Variants in ADGRG4 observed in about 807,000 individuals in gnomAD.
ADGRG4 encodes the protein G protein-coupled receptor 112.
Under a neutral mutation model 126.2 loss-of-function variants are expected in ADGRG4, and 122 were observed. The observed-to-expected ratio is 0.97, with a 90% CI of 0.83 to 1.12. The LOEUF (loss-of-function observed/expected upper bound fraction) is 1.12, where lower values mean the gene tolerates loss of function less well. Among genes scored for constraint, ADGRG4 ranks in the 50% most tolerant of loss-of-function variants. ADGRG4 has a pLI of 0.00. For synonymous variants in ADGRG4, 943 were observed against 838.7 expected (o/e 1.12, Z -2.15); for missense variants, 2,481 against 2,251.8 (o/e 1.10, Z -2.06).
chrX:136,349,056 G>T lies in ADGRG4; in HGVS notation c.5350G>T (p.Val1784Phe), dbSNP rs755692382. 1.8e-4 allele frequency: 215 copies of T among 1,204,739 alleles called. No homozygotes were observed. The highest frequency in any genetic ancestry group is 2.2e-4 in the Non-Finnish European group (194 of 892,215). ...FKSASGPTKN[V>F]KTTTNCFSSN... is the part of the protein sequence containing the mutation. ...GAGTGCTTCTGGACCCACAAAAAAT[G>T]TTAAAACAACCACCAATTGCTTTTC... Residue 1784 changes from valine to phenylalanine, a missense_variant, in exon 6 of 26, where the codon GTT becomes TTT. Coordinates refer to ENST00000394143, the MANE Select transcript of ADGRG4 (RefSeq NM_153834.4).
intron 20 of ADGRG4, among the ~76,000 whole-genome samples, chrX:136,399,457 G>A (rs1460610990): frequency 9.1e-6 from 1 of 110,415 alleles, no homozygotes; most frequent in Admixed American, 9.6e-5. Flanking sequence ...GCCATATATC[G>A]GGATCTTTAG....
chrX:136,372,833 A>C, intron 14 of ADGRG4, 69 bp from the exon 15 acceptor site: 7 of 1,010,397 alleles, frequency 6.9e-6, no homozygotes, highest in Non-Finnish European at 9.8e-6. Flanking sequence ...CAATAAGGAA[A>C]TCTTGCAAGG....
At chrX:136,352,233 C>G (rs1262449188) in intron 7 of ADGRG4, among the ~76,000 whole-genome samples, 3 of 112,055 alleles carry the variant, frequency 2.7e-5, no homozygotes, top group African/African-American at 9.7e-5. Flanking sequence ...AACCATGTAT[C>G]TTTGCACATA....
Position 136,380,645 on chromosome X carries a change from CTTCT to C in ADGRG4, c.7777-7093_7777-7090del, listed in dbSNP as rs2075257374. ...TCTTCTTCTTCTTCTTCTTCTTCTT[CTTCT>C]TCCTCCTCCTCCTCCTCCTCTTCCT... On this transcript the variant is annotated intron_variant, in intron 15 of 25. Coordinates refer to ENST00000394143, the MANE Select transcript of ADGRG4 (RefSeq NM_153834.4). Among the ~76,000 whole-genome samples, 5 of 85,173 alleles carry C rather than the reference CTTCT, an allele frequency of 5.9e-5. No homozygotes were observed. In the East Asian group the frequency reaches 9.7e-4, roughly 17 times the overall value. The allele number at this position is 85,173 out of a possible 115,157, so 74.0% of individuals were successfully genotyped here. A position where few individuals can be genotyped will look rare whatever the true frequency, so the allele number is the denominator to read the frequency against.
chrX:136,346,190 G>A lies in ADGRG4; in HGVS notation c.2484G>A (p.Lys828=), dbSNP rs145010025. The A allele has an allele frequency of 5.8e-6, 7 of 1,207,263 alleles. No individual in the cohort carries two copies. In the African/African-American group the frequency reaches 1.2e-4, roughly 21 times the overall value. The change falls in exon 6 of 26, where the codon AAG becomes AAA. Residue 828 remains lysine (K), a synonymous_variant. Transcript: ENST00000394143. ...GAGGTACAACGACCCCTGTACCAAA[G>A]TCAGCAACAACACAAAGATTAAATG... ...VFGGTTTPVP[K]SATTQRLNAT...
Position 136,349,884 on chromosome X carries a change from C to T in ADGRG4, c.6178C>T (p.Pro2060Ser), listed in dbSNP as rs2075048698. Residue 2060 changes from proline to serine, a missense_variant, in exon 6 of 26, where the codon CCC becomes TCC. By Grantham distance (74) the Pro-to-Ser change is moderately conservative (BLOSUM62 -1). Coordinates refer to ENST00000394143, the MANE Select transcript of ADGRG4 (RefSeq NM_153834.4). ...AHPFTNLTTL[P>S]SATMSTILTR... Reference sequence around the variant, plus strand: ...CCCATTCACTAACTTGACAACACTACCCTCTGCTACTATGAGCACCATACT... The same window carrying T: ...CCCATTCACTAACTTGACAACACTATCCTCTGCTACTATGAGCACCATACT... 3.3e-6 allele frequency: 4 copies of T among 1,208,357 alleles called. No individual in the cohort carries two copies. Among genetic ancestry groups the T allele is most frequent in the Non-Finnish European group, 4.5e-6 (4 of 894,063 alleles).
Position 136,347,438 on chromosome X carries a change from C to T in ADGRG4, c.3732C>T (p.Ser1244=). 2.5e-6 allele frequency: 3 copies of T among 1,208,802 alleles called. No homozygotes were observed. The highest frequency in any genetic ancestry group is 3.4e-6 in the Non-Finnish European group (3 of 892,720). ...CATATCGTGTACACACACCAGTGTCCATCCAGTTGGTGACTAGCACCTCTG... is the reference window on the plus strand; with the variant it reads ...CATATCGTGTACACACACCAGTGTCTATCCAGTTGGTGACTAGCACCTCTG... ...SATYRVHTPV[S]IQLVTSTSVL... The change falls in exon 6 of 26, where the codon TCC becomes TCT. Residue 1244 remains serine, a synonymous_variant. Coordinates refer to ENST00000394143, the MANE Select transcript of ADGRG4 (RefSeq NM_153834.4).
At chrX:136,306,591 G>T (rs1197572603) in intron 3 of ADGRG4, among the ~76,000 whole-genome samples, 1 of 109,051 alleles carries the variant, frequency 9.2e-6, no homozygotes, top group Non-Finnish European at 1.9e-5. Context: ...TTAAAAGTAT[G>T]TAACTAATTT....
intron 15 of ADGRG4, among the ~76,000 whole-genome samples, chrX:136,386,598 G>A (rs1207534618): frequency 8.9e-6 from 1 of 112,022 alleles, no homozygotes; most frequent in African/African-American, 3.3e-5. Context: ...CCACATCCCA[G>A]TTGTGTGATC....
At chrX:136,384,748 A>G (rs2075284325) in intron 15 of ADGRG4, among the ~76,000 whole-genome samples, 1 of 107,929 alleles carries the variant, frequency 9.3e-6, no homozygotes. Flanking sequence ...ATGTCATTTC[A>G]CTCTCTTCTG....
chrX:136,362,158 T>C (rs2075132576), intron 12 of ADGRG4, among the ~76,000 whole-genome samples: 2 of 111,891 alleles, frequency 1.8e-5, no homozygotes, highest in Non-Finnish European at 3.8e-5. Flanking sequence ...CTCTCTGCTG[T>C]TCATGGTTTA....
chrX:136,395,299 A>T, intron 18 of ADGRG4, 91 bp from the exon 19 acceptor site: 2 of 479,678 alleles, frequency 4.2e-6, no homozygotes, highest in Non-Finnish European at 7.1e-6. Flanking sequence ...AATATTAATT[A>T]TAACACACGT....
At chrX:136,312,625 C>A (rs749281161) in intron 4 of ADGRG4, among the ~76,000 whole-genome samples, 61 of 110,290 alleles carry the variant, frequency 5.5e-4, no homozygotes, top group African/African-American at 1.8e-3. Flanking sequence ...AAACCCTGTC[C>A]CTAAAATAAA....
At position 136,387,801 on chromosome X, in the gene ADGRG4, T is replaced by C; in HGVS notation, c.7838T>C (p.Leu2613Pro). Residue 2613 changes from leucine (L) to proline (P), a missense_variant, in exon 16 of 26, where the codon CTG becomes CCG. By Grantham distance (98) the Leu-to-Pro change is moderately conservative (BLOSUM62 -3). Transcript: ENST00000394143. ...GCTTCCATATATTTGCCTAAATCAC[T>C]GACGGAGAGAATTCCTCTTAGCAAC... The part of the protein sequence containing the change: ...ILASIYLPKS[L>P]TERIPLSNLQ... 1 of 1,205,901 alleles carries C rather than the reference T, an allele frequency of 8.3e-7. No homozygotes were observed. Among genetic ancestry groups the C allele is most frequent in the South Asian group, 1.8e-5 (1 of 56,779 alleles).
chrX:136,408,254 CA>C (rs764677108), intron 23 of ADGRG4, among the ~76,000 whole-genome samples: 1 of 111,753 alleles, frequency 8.9e-6, no homozygotes, highest in South Asian at 3.8e-4. Context: ...GGTAGATGTG[CA>C]GGTTTGTTAG....
At chrX:136,340,602 T>C (rs1345109066) in intron 5 of ADGRG4, among the ~76,000 whole-genome samples, 1 of 111,629 alleles carries the variant, frequency 9.0e-6, no homozygotes, top group Non-Finnish European at 1.9e-5. Context: ...CCTTGGTACC[T>C]TCAGAAAGAG....
chrX:136,411,376 C>A (rs984466908), intron 23 of ADGRG4, among the ~76,000 whole-genome samples: 3 of 112,459 alleles, frequency 2.7e-5, no homozygotes, highest in African/African-American at 9.7e-5. Context: ...ATATTTTTAT[C>A]TTCCAAGGAC....
At chrX:136,361,379 T>G (rs2075127478) in intron 11 of ADGRG4, 76 bp from the exon 12 acceptor site, 1 of 347,287 alleles carries the variant, frequency 2.9e-6, no homozygotes, top group Non-Finnish European at 4.3e-6. Flanking sequence ...TATTATATAG[T>G]AATAATAATA....
At chrX:136,306,427 G>A (rs1428471582) in intron 3 of ADGRG4, among the ~76,000 whole-genome samples, 5 of 110,329 alleles carry the variant, frequency 4.5e-5, no homozygotes, top group Admixed American at 9.7e-5. Flanking sequence ...TGAAAGTAAT[G>A]TATGCTCATT....
Sources: allele counts gnomAD v4.1 joint callset (sites outside exome capture counted in the v4.1 genomes callset), GRCh38; gene constraint gnomAD v4.1.1; transcripts MANE v1.5; gene names NCBI Gene and HGNC (gene_info 2026-07-23, HGNC 2026-07-21).